The following TIPIN variants were observed in gnomAD, a reference collection of about 807,000 sequenced individuals.
The protein encoded by TIPIN is TIMELESS interacting protein, also known as TIMELESS-interacting protein.
TIPIN carries 29 observed loss-of-function variants against 35.6 expected under a neutral mutation model. That is an observed-to-expected ratio of 0.82 (90% CI 0.61 to 1.11). The LOEUF (loss-of-function observed/expected upper bound fraction) is 1.11. Among genes scored for constraint, TIPIN ranks in the 50% most tolerant of loss-of-function variants. The probability of loss-of-function intolerance (pLI) is 0.00; values close to 1 mark genes in which losing one functional copy is unlikely to be tolerated. For synonymous variants in TIPIN, 102 were observed against 121.5 expected (o/e 0.84, Z 1.06); for missense variants, 296 against 345.4 (o/e 0.86, Z 1.13).
chr15:66,347,661 C>A (rs2093136153), intron 6 of TIPIN, among the ~76,000 whole-genome samples: 1 of 152,166 alleles, frequency 6.6e-6, no homozygotes, highest in African/African-American at 2.4e-5. Flanking sequence ...CGGCTCACTG[C>A]AACCTCCACC....
At chr15:66,361,246 C>A (rs1458350215), upstream of TIPIN, among the ~76,000 whole-genome samples, 4 of 149,858 alleles carry the variant, frequency 2.7e-5, no homozygotes, top group Non-Finnish European at 5.9e-5. Flanking sequence ...TTTTCATAAC[C>A]TTTCTATTGT....
At chr15:66,374,703 C>T (rs1180994969) in intron 1 of TIPIN, among the ~76,000 whole-genome samples, 2 of 152,180 alleles carry the variant, frequency 1.3e-5, no homozygotes, top group African/African-American at 4.8e-5. Flanking sequence ...CCTCACCCTT[C>T]CAAGTAGCTG....
chr15:66,385,952 T>C (rs1365471085), intron 1 of TIPIN, among the ~76,000 whole-genome samples: 3 of 151,678 alleles, frequency 2.0e-5, no homozygotes, highest in African/African-American at 2.4e-5. Flanking sequence ...GCCCAGCTAA[T>C]AGAGACGGGG....
chr15:66,352,710 T>A, intron 2 of TIPIN, 105 bp downstream of exon 2: 1 of 1,281,116 alleles, frequency 7.8e-7, no homozygotes, highest in Non-Finnish European at 1.0e-6. Context: ...CTCAAATTCC[T>A]GACCTTGTGA....
intron 1 of TIPIN, chr15:66,379,537 G>A (rs951079109): frequency 1.4e-5 from 23 of 1,610,078 alleles, no homozygotes; most frequent in Middle Eastern, 2.1e-4. Flanking sequence ...GGTCTCATCC[G>A]CACCCTGCGG....
At chr15:66,371,165 C>T (rs938464389) in intron 1 of TIPIN, 5 of 906,838 alleles carry the variant, frequency 5.5e-6, no homozygotes, top group Non-Finnish European at 5.3e-6. Context: ...GAGCTGAGAT[C>T]TCGCCATTGC....
chr15:66,366,290 C>T (rs754318102), intron 1 of TIPIN, among the ~76,000 whole-genome samples: 1 of 151,612 alleles, frequency 6.6e-6, no homozygotes, highest in Non-Finnish European at 1.5e-5. Context: ...CCTGTCTCTA[C>T]TAAAAATGCA....
chr15:66,347,477 GAT>G (rs950681368), intron 6 of TIPIN: 5 of 265,130 alleles, frequency 1.9e-5, no homozygotes, highest in African/African-American at 1.1e-4. Context: ...CTTTTATCTT[GAT>G]ATATATTTTT....
At position 66,337,050 on chromosome 15, in the gene TIPIN, A is replaced by C. The variant is rs758299521; in HGVS notation, c.814T>G (p.Leu272Val). 1.2e-6 allele frequency: 2 copies of C among 1,614,110 alleles called. No individual in the cohort carries two copies. Among genetic ancestry groups the C allele is most frequent in the Non-Finnish European group, 1.7e-6 (2 of 1,180,024 alleles). ...NPCNDAIANT[L>V]NEEETLLDQS... ...TCCAGCAGTGTTTCCTCTTCATTTA[A>C]AGTATTGGCAATAGCATCATTACAT... The change falls in exon 8 of 8, where the codon TTA becomes GTA. Residue 272 changes from leucine (L) to valine (V), a missense_variant. Coordinates refer to ENST00000261881, the MANE Select transcript of TIPIN (RefSeq NM_017858.3).
chr15:66,340,926 C>T (rs576191510), intron 7 of TIPIN, among the ~76,000 whole-genome samples: 13 of 152,248 alleles, frequency 8.5e-5, no homozygotes, highest in African/African-American at 2.9e-4. Context: ...TTAAGAGGTA[C>T]TCAGCTATCC....
chr15:66,354,696 G>T (rs2093191777), intron 1 of TIPIN, among the ~76,000 whole-genome samples: 1 of 152,180 alleles, frequency 6.6e-6, no homozygotes, highest in Non-Finnish European at 1.5e-5. Flanking sequence ...CCTTGAAAGA[G>T]CTATATCCCT....
intron 1 of TIPIN, chr15:66,379,831 C>A: frequency 6.3e-7 from 1 of 1,596,644 alleles, no homozygotes; most frequent in Non-Finnish European, 8.5e-7. Flanking sequence ...CCTCTGGGGC[C>A]ATTCACGATA....
chr15:66,383,512 C>A, intron 1 of TIPIN: 1 of 860,358 alleles, frequency 1.2e-6, no homozygotes, highest in Non-Finnish European at 1.4e-6. Context: ...GATCCTCCCA[C>A]CTCAGCCTCC....
At chr15:66,367,222 A>ATATCTATATCTG (rs1278520988) in intron 1 of TIPIN, among the ~76,000 whole-genome samples, 14 of 148,092 alleles carry the variant, frequency 9.5e-5, no homozygotes, top group East Asian at 5.8e-4. Flanking sequence ...ATCTATATCT[A>ATATCTATATCTG]TATCTGTATC....
In TIPIN at chr15:66,336,612, T is replaced by A; in HGVS notation, c.*346A>T. The A allele has an allele frequency of 3.9e-6, 1 of 255,552 alleles. No individual in the cohort carries two copies. The highest frequency in any genetic ancestry group is 7.7e-6 in the Non-Finnish European group (1 of 129,554). 15.8% of individuals were successfully genotyped at this position (255,552 alleles called of 1,614,324 possible). ...CAACTAGACTACTCTGGGCACACTG[T>A]CCATGGATTAGCCCTGCTTTGCAAG... On this transcript the variant is annotated 3_prime_UTR_variant, in exon 8 of 8. Coordinates refer to ENST00000261881, the MANE Select transcript of TIPIN (RefSeq NM_017858.3).
chr15:66,379,460 C>G (rs1345741614), intron 1 of TIPIN: 1 of 1,606,604 alleles, frequency 6.2e-7, no homozygotes, highest in African/African-American at 1.3e-5. Flanking sequence ...TTGAAACAAG[C>G]TCAATGTCAT....
chr15:66,380,153 C>A (rs1595823767), intron 1 of TIPIN, among the ~76,000 whole-genome samples: 1 of 152,038 alleles, frequency 6.6e-6, no homozygotes, highest in Non-Finnish European at 1.5e-5. Context: ...AGGCGCCCAC[C>A]ACTGCGCCCG....
At chr15:66,347,199 AAAAC>A (rs1282646774) in intron 6 of TIPIN, 1 of 501,210 alleles carries the variant, frequency 2.0e-6, no homozygotes, top group South Asian at 1.5e-5. Context: ...TTAAAAAACA[AAAAC>A]AAACATGTAT....
In TIPIN at chr15:66,371,308, A is replaced by G. The variant is rs902407830; in HGVS notation, c.-9+15299T>C. The G allele has an allele frequency of 4.1e-6, 4 of 984,908 alleles. No individual in the cohort carries two copies. The African/African-American group carries it at 7.0e-5, about 17-fold the overall frequency. The allele number at this position is 984,908 out of a possible 1,614,324, so 61.0% of individuals were successfully genotyped here. ...CTAATAAGGTAGTATTTGTTATATAATTTAAAAAACAGAAAAATTTGGAGC... is the reference window on the plus strand; with the variant it reads ...CTAATAAGGTAGTATTTGTTATATAGTTTAAAAAACAGAAAAATTTGGAGC... On this transcript the variant is annotated intron_variant, in intron 1 of 7. Transcript: ENST00000562124.
Sources: allele counts gnomAD v4.1 joint callset (sites outside exome capture counted in the v4.1 genomes callset), GRCh38; gene constraint gnomAD v4.1.1; transcripts MANE v1.5; gene names NCBI Gene and HGNC (gene_info 2026-07-23, HGNC 2026-07-21).